HTR3A: variants seen among roughly 807,000 people sequenced by gnomAD.
HTR3A encodes 5-hydroxytryptamine receptor 3A.
A neutral mutation model predicts 54.8 loss-of-function variants in HTR3A; 45 were observed. The ratio of observed to expected loss-of-function variants is 0.82; its 90% CI spans 0.65 to 1.05. The LOEUF (loss-of-function observed/expected upper bound fraction) is 1.05. Among genes scored for constraint, HTR3A ranks in the 50% least tolerant of loss-of-function variants. The pLI, the probability that HTR3A is intolerant of heterozygous loss-of-function variation, is 0.00. For missense variants in HTR3A, 657 were observed against 614.0 expected, an observed-to-expected ratio of 1.07 and a Z score of -0.74; for synonymous variants, 297 against 256.0, an observed-to-expected ratio of 1.16 and a Z score of -1.53.
rs1456248553 is a variant in HTR3A, at chr11:113,987,232, C to A, written c.1138+186C>A. ...TCAGTCCAGACCCTTTCTTCACTTA[C>A]ACAACCTCTCATTACCTTGGGTGTT... On this transcript the variant is annotated intron_variant, in intron 8 of 8. Transcript: ENST00000504030. 5.9e-5 allele frequency among the ~76,000 whole-genome samples: 9 copies of A among 152,336 alleles called. No individual in the cohort carries two copies. The South Asian group carries it at 1.2e-3, about 21-fold the overall frequency.
chr11:113,989,535 C>T lies in HTR3A; in HGVS notation c.1209C>T (p.Ser403=). The T allele has an allele frequency of 6.2e-7, 1 of 1,614,050 alleles. No homozygotes were observed. The highest frequency in any genetic ancestry group is 8.5e-7 in the Non-Finnish European group (1 of 1,180,010). ...DFEKSPRDRC[S]PPPPPREASL... is the part of the protein sequence containing the mutation. The stretch of plus-strand genomic sequence containing the variant: ...AGAAGAGCCCGAGGGACAGATGTAG[C>T]CCTCCCCCACCACCTCGGGAGGCCT... The change falls in exon 9 of 9, where the codon AGC becomes AGT. Residue 403 remains serine (S), a synonymous_variant. Transcript: ENST00000504030. This position sits in a 1 kb window ranked among gnomAD's most constrained non-coding sequence, Gnocchi z 4.4.
In HTR3A at chr11:113,976,571, TTGTGTGTGTGTGTGTG is replaced by T. The variant is rs34498899; in HGVS notation, c.68-1172_68-1157del. Among the ~76,000 whole-genome samples the T allele has an allele frequency of 3.0e-3, 403 of 135,424 alleles. 2 individuals carry two copies. Among genetic ancestry groups the T allele is most frequent in the African/African-American group, 0.011 (378 of 34,702 alleles). The allele number at this position is 135,424 out of a possible 152,430, so 88.8% of individuals were successfully genotyped here. On this transcript the variant is annotated intron_variant, in intron 1 of 8. Coordinates refer to ENST00000504030, the MANE Select transcript of HTR3A (RefSeq NM_000869.6). ...CCAAAGGAGACACTTAAAAAATAGT[TTGTGTGTGTGTGTGTG>T]TGTGTGTGTGTGTGTGTGTGTGTGT...
At chr11:113,984,133 AACCAC>A (rs1950459578) in intron 5 of HTR3A, among the ~76,000 whole-genome samples, 1 of 151,600 alleles carries the variant, frequency 6.6e-6, no homozygotes. Context: ...TGCTCCCCCC[AACCAC>A]ACCTAGCCTG....
intron 6 of HTR3A, 127 bp downstream of exon 6, chr11:113,986,302 A>G (rs1950490827): frequency 8.0e-7 from 1 of 1,252,268 alleles, no homozygotes; most frequent in South Asian, 1.2e-5. Flanking sequence ...CTGGAACTTC[A>G]GTGAAGTAGA....
rs192036552 is a variant in HTR3A, at chr11:113,986,104, C to A, written c.634C>A (p.Leu212Met). 1.4e-4 allele frequency: 224 copies of A among 1,614,162 alleles called. 1 individual carries two copies. In the East Asian group the frequency reaches 4.3e-3, roughly 31 times the overall value. The part of the protein sequence containing the change: ...VFMNQGEWEL[L>M]GVLPYFREFS... ...CATGAACCAGGGAGAGTGGGAGTTG[C>A]TGGGGGTGCTGCCCTACTTTCGGGA... The change falls in exon 6 of 9, where the codon CTG becomes ATG. Residue 212 changes from leucine to methionine, a missense_variant. Coordinates refer to ENST00000504030, the MANE Select transcript of HTR3A (RefSeq NM_000869.6).
intron 5 of HTR3A, 79 bp from the exon 6 acceptor site, chr11:113,985,936 C>T: frequency 6.7e-7 from 1 of 1,492,870 alleles, no homozygotes; most frequent in South Asian, 1.1e-5. Context: ...AATTGCTGCC[C>T]ACCTGTGTCC....
In HTR3A at chr11:113,989,793, C is replaced by G; in HGVS notation, c.*30C>G. 1.9e-6 allele frequency: 3 copies of G among 1,601,986 alleles called. No individual in the cohort carries two copies. The highest frequency in any genetic ancestry group is 1.1e-5 in the South Asian group (1 of 91,032). ...GTACAGCCCAGTGGAGGAGGGGGTA[C>G]AGTCCTGGTTAGGTGGGGACAGAGG... On this transcript the variant is annotated 3_prime_UTR_variant, in exon 9 of 9. Coordinates refer to ENST00000504030, the MANE Select transcript of HTR3A (RefSeq NM_000869.6). The surrounding 1 kb of genome is among the most constrained non-coding windows in gnomAD (Gnocchi z 4.4).
In HTR3A at chr11:113,986,515, C is replaced by T. The variant is rs549776890; in HGVS notation, c.706-3C>T. The T allele has an allele frequency of 1.1e-5, 17 of 1,612,274 alleles. No individual in the cohort carries two copies. The African/African-American group carries it at 2.3e-4, about 21-fold the overall frequency. ...CTTCCCACAAGCTCTTCTCCGGTCC[C>T]AGGTGGTCATCCGCCGGCGGCCCCT... On this transcript the variant is annotated splice_region_variant and splice_polypyrimidine_tract_variant and intron_variant, in intron 6 of 8. Coordinates refer to ENST00000504030, the MANE Select transcript of HTR3A (RefSeq NM_000869.6).
chr11:113,982,000 C>T (rs1277177357), intron 4 of HTR3A, among the ~76,000 whole-genome samples: 1 of 151,860 alleles, frequency 6.6e-6, no homozygotes, highest in African/African-American at 2.4e-5. Flanking sequence ...CTGATAGTGG[C>T]TGCCACTTCT....
intron 2 of HTR3A, 109 bp downstream of exon 2, chr11:113,978,031 G>A (rs1950375419): frequency 2.9e-5 from 38 of 1,304,062 alleles, no homozygotes; most frequent in Non-Finnish European, 4.2e-5. Flanking sequence ...AGAACCCATA[G>A]GACCTACGGT....
intron 5 of HTR3A, among the ~76,000 whole-genome samples, chr11:113,985,696 G>GGTGT (rs60820927): frequency 1.8e-4 from 27 of 150,876 alleles, no homozygotes; most frequent in South Asian, 1.7e-3. Context: ...GTTTGGAAGG[G>GGTGT]GTGTGTGTGT....
chr11:113,983,931 G>T (rs965857050), intron 5 of HTR3A, among the ~76,000 whole-genome samples: 3 of 152,110 alleles, frequency 2.0e-5, no homozygotes, highest in African/African-American at 7.2e-5. Context: ...AGATACCCTG[G>T]AACACAATCC....
At chr11:113,978,111 C>T in intron 2 of HTR3A, among the ~76,000 whole-genome samples, 189 bp downstream of exon 2, 1 of 152,172 alleles carries the variant, frequency 6.6e-6, no homozygotes, top group African/African-American at 2.4e-5. Flanking sequence ...CCTGGGGTCA[C>T]CTTGTGGCTG....
intron 1 of HTR3A, chr11:113,977,467 G>A (rs528460409): frequency 5.2e-5 from 76 of 1,471,242 alleles, no homozygotes; most frequent in African/African-American, 3.5e-4. Context: ...CACCTGCTCC[G>A]ACCTTCTTAG....
chr11:113,987,998 T>G (rs968407969), intron 8 of HTR3A, among the ~76,000 whole-genome samples: 3 of 152,182 alleles, frequency 2.0e-5, no homozygotes, highest in Non-Finnish European at 4.4e-5. Flanking sequence ...ATTTTTCCAA[T>G]AAGGAAGCAG....
intron 5 of HTR3A, 138 bp downstream of exon 5, chr11:113,983,427 C>T: frequency 1.2e-6 from 1 of 868,610 alleles, no homozygotes; most frequent in Non-Finnish European, 1.9e-6. Flanking sequence ...TCATCCTCTG[C>T]ATGAGGTAGA....
intron 3 of HTR3A, among the ~76,000 whole-genome samples, chr11:113,980,862 T>A (rs533751174): frequency 6.6e-6 from 1 of 152,364 alleles, no homozygotes; most frequent in East Asian, 1.9e-4. Flanking sequence ...AAGGAGATGT[T>A]ATGATCTCCA....
At position 113,981,327 on chromosome 11, in the gene HTR3A, C is replaced by T. The variant is rs981035182; in HGVS notation, c.374+15C>T. 6.5e-7 allele frequency: 1 copy of T among 1,535,412 alleles called. No individual in the cohort carries two copies. Among genetic ancestry groups the T allele is most frequent in the African/African-American group, 1.4e-5 (1 of 73,474 alleles). On this transcript the variant is annotated intron_variant, in intron 4 of 8. Transcript: ENST00000504030. The stretch of plus-strand genomic sequence containing the variant: ...ATCAATGAGTTGTGAGTACCGTTAT[C>T]CATTGTGAGGTGGCTGGGTGGCTTA...
Position 113,975,253 on chromosome 11 carries a change from G to A in HTR3A, c.-73G>A. 1 of 1,479,838 alleles carries A rather than the reference G, an allele frequency of 6.8e-7. No individual in the cohort carries two copies. Among genetic ancestry groups the A allele is most frequent in the Non-Finnish European group, 9.4e-7 (1 of 1,068,932 alleles). 91.7% of individuals were successfully genotyped at this position (1,479,838 alleles called of 1,614,324 possible). On this transcript the variant is annotated 5_prime_UTR_variant, in exon 1 of 9. Coordinates refer to ENST00000504030, the MANE Select transcript of HTR3A (RefSeq NM_000869.6). ...CTGGCTGGGACATGAGGTTGGCAGA[G>A]GGCAGGCAAGCTGGCCCTTGGTGGG...
Sources: gnomAD v4.1 joint callset for allele counts (sites outside exome capture counted in the v4.1 genomes callset) on GRCh38, gnomAD v4.1.1 for gene constraint, Gnocchi (gnomAD v3.1) non-coding constraint, MANE v1.5 for transcripts, NCBI Gene and HGNC (gene_info 2026-07-23, HGNC 2026-07-21) for gene names.